Variants in AGK observed in about 807,000 individuals in gnomAD.
The protein encoded by AGK is acylglycerol kinase.
In AGK, 52 loss-of-function variants were observed where a neutral mutation model predicts 66.4. That is an observed-to-expected ratio of 0.78 (90% CI 0.63 to 0.99). The LOEUF (loss-of-function observed/expected upper bound fraction) is 0.99. AGK is among the 50% of genes least tolerant of loss of function. AGK has a pLI of 0.00. For missense variants in AGK, 451 were observed against 506.6 expected (o/e 0.89, Z 1.05); for synonymous variants, 182 against 181.1 (o/e 1.00, Z -0.04).
At chr7:141,612,973 C>T (rs566178475) in intron 6 of AGK, among the ~76,000 whole-genome samples, 46 of 152,208 alleles carry the variant, frequency 3.0e-4, no homozygotes, top group Non-Finnish European at 5.9e-4. Flanking sequence ...CAGAAGCTAA[C>T]AGCAGAGTAC....
At chr7:141,577,611 T>G (rs1795774146) in intron 2 of AGK, among the ~76,000 whole-genome samples, 1 of 152,110 alleles carries the variant, frequency 6.6e-6, no homozygotes. Flanking sequence ...CTTCCTGCCT[T>G]GCGGACTGAA....
At chr7:141,578,238 A>G (rs1795796147) in intron 2 of AGK, among the ~76,000 whole-genome samples, 2 of 151,066 alleles carry the variant, frequency 1.3e-5, no homozygotes, top group African/African-American at 4.9e-5. Flanking sequence ...GGAAAATTAC[A>G]GTCAAAGGGG....
At chr7:141,646,960 T>C (rs1797425738) in intron 13 of AGK, among the ~76,000 whole-genome samples, 1 of 152,190 alleles carries the variant, frequency 6.6e-6, no homozygotes, top group Non-Finnish European at 1.5e-5. Context: ...CTTTAAGCAG[T>C]GGCTGTGCTT....
Position 141,596,649 on chromosome 7 carries a change from C to T in AGK, c.221+8C>T, listed in dbSNP as rs146249106. The T allele has an allele frequency of 1.7e-5, 27 of 1,612,492 alleles. No homozygotes were observed. Among genetic ancestry groups the T allele is most frequent in the South Asian group, 1.6e-4 (15 of 91,040 alleles). ...TCCTGCAGCTTGCAAAGGGTAGTTC[C>T]GTTTGTGACTTGTTATATACTTGCT... is the stretch of plus-strand genomic sequence containing the variant. On this transcript the variant is annotated splice_region_variant and intron_variant, in intron 4 of 15. Coordinates refer to ENST00000649286, the MANE Select transcript of AGK (RefSeq NM_018238.4).
chr7:141,600,211 G>A (rs1395792438), intron 4 of AGK, among the ~76,000 whole-genome samples: 1 of 152,084 alleles, frequency 6.6e-6, no homozygotes, highest in Non-Finnish European at 1.5e-5. Flanking sequence ...GAAAGTACTG[G>A]ATTTTTTTTT....
intron 5 of AGK, among the ~76,000 whole-genome samples, chr7:141,601,543 T>C (rs1255048713): frequency 1.3e-5 from 2 of 152,220 alleles, no homozygotes; most frequent in Non-Finnish European, 1.5e-5. Flanking sequence ...TCTTGGAAGA[T>C]GAAAGTTGTT....
intron 9 of AGK, among the ~76,000 whole-genome samples, chr7:141,623,884 G>A (rs1796880162): frequency 6.6e-6 from 1 of 152,044 alleles, no homozygotes; most frequent in African/African-American, 2.4e-5. Context: ...TACTGCAGCT[G>A]GTGACTTTAA....
intron 2 of AGK, among the ~76,000 whole-genome samples, chr7:141,560,795 C>CT (rs71172604): frequency 0.37 from 46,141 of 124,006 alleles, 9,822 homozygotes; most frequent in East Asian, 0.51. Context: ...GCCATTCTTT[C>CT]TTTTTTTTTT....
intron 10 of AGK, 73 bp from the exon 11 acceptor site, chr7:141,636,887 G>T (rs958841717): frequency 2.4e-6 from 3 of 1,252,622 alleles, no homozygotes; most frequent in African/African-American, 1.5e-5. Context: ...TGTATTGTCT[G>T]CCATGAATGG....
At chr7:141,617,626 T>C (rs1796736753) in intron 8 of AGK, among the ~76,000 whole-genome samples, 1 of 152,236 alleles carries the variant, frequency 6.6e-6, no homozygotes, top group Non-Finnish European at 1.5e-5. Context: ...TGCTATTCCA[T>C]GCTACAGTGC....
intron 5 of AGK, among the ~76,000 whole-genome samples, chr7:141,604,249 G>A (rs1339304567): frequency 6.6e-6 from 1 of 151,116 alleles, no homozygotes; most frequent in South Asian, 2.1e-4. Flanking sequence ...AAAATGTACA[G>A]GAATATACAA....
intron 10 of AGK, 144 bp downstream of exon 10, chr7:141,634,124 G>A (rs988991034): frequency 4.5e-5 from 32 of 711,216 alleles, no homozygotes; most frequent in Non-Finnish European, 4.9e-6. Flanking sequence ...ATGGAGGTAG[G>A]AACAATCAGG....
At chr7:141,556,021 T>TTATACA (rs1795203398) in intron 2 of AGK, among the ~76,000 whole-genome samples, 2 of 152,112 alleles carry the variant, frequency 1.3e-5, no homozygotes, top group Non-Finnish European at 2.9e-5. Flanking sequence ...TTTTATACAT[T>TTATACA]TTAGGGAGAT....
At chr7:141,579,336 A>G (rs536712402) in intron 2 of AGK, among the ~76,000 whole-genome samples, 3 of 138,906 alleles carry the variant, frequency 2.2e-5, no homozygotes, top group Non-Finnish European at 3.2e-5. Context: ...TCACTGAATA[A>G]CAAGAGCCTG....
intron 2 of AGK, among the ~76,000 whole-genome samples, chr7:141,577,214 A>G (rs1795762776): frequency 6.6e-6 from 1 of 152,182 alleles, no homozygotes; most frequent in African/African-American, 2.4e-5. Flanking sequence ...TTCCAGGGTT[A>G]ACTTCAGCAC....
intron 8 of AGK, among the ~76,000 whole-genome samples, chr7:141,621,407 A>T (rs751795898): frequency 3.1e-4 from 47 of 152,200 alleles, no homozygotes; most frequent in Non-Finnish European, 5.6e-4. Context: ...TACAATGAAT[A>T]AAAAAAGTTA....
At chr7:141,637,088 A>ATT in intron 11 of AGK, 71 bp downstream of exon 11, 1 of 1,270,596 alleles carries the variant, frequency 7.9e-7, no homozygotes. Context: ...TATATTTGGT[A>ATT]TTTTTTTTTA....
intron 9 of AGK, among the ~76,000 whole-genome samples, chr7:141,623,404 G>C (rs1010665957): frequency 7.0e-6 from 1 of 142,754 alleles, no homozygotes; most frequent in Non-Finnish European, 1.5e-5. Context: ...AAAAAAAAAA[G>C]AAAGAAAAAA....
Position 141,555,474 on chromosome 7 carries a change from T to C in AGK, c.8T>C (p.Val3Ala). 1 of 1,613,652 alleles carries C rather than the reference T, an allele frequency of 6.2e-7. No individual in the cohort carries two copies. Among genetic ancestry groups the C allele is most frequent in the Non-Finnish European group, 8.5e-7 (1 of 1,179,700 alleles). MT[V>A]FFKTLRNHWK... ...CTAGCAAATCTCTAGAAGATGACGG[T>C]GTTCTTTAAAACGCTTCGAAATCAC... Residue 3 changes from valine to alanine, a missense_variant, in exon 2 of 16, where the codon GTG becomes GCG. Transcript: ENST00000649286. This position sits in a 1 kb window ranked among gnomAD's most constrained non-coding sequence, Gnocchi z 4.2.
Sources: gnomAD v4.1 joint callset for allele counts (sites outside exome capture counted in the v4.1 genomes callset) on GRCh38, gnomAD v4.1.1 for gene constraint, Gnocchi (gnomAD v3.1) non-coding constraint, MANE v1.5 for transcripts, NCBI Gene and HGNC (gene_info 2026-07-23, HGNC 2026-07-21) for gene names.